CALN1: variants seen among roughly 807,000 people sequenced by gnomAD.
CALN1 encodes calcium-binding protein 8.
Under a neutral mutation model 30.6 loss-of-function variants are expected in CALN1, and 17 were observed. That is an observed-to-expected ratio of 0.56 (90% CI 0.38 to 0.83). The LOEUF (loss-of-function observed/expected upper bound fraction) is 0.83. Ranked by LOEUF, CALN1 falls within the 40% of genes least tolerant of loss-of-function variation. The pLI, the probability that CALN1 is intolerant of heterozygous loss-of-function variation, is 0.00. For synonymous variants in CALN1, 156 were observed against 131.4 expected, an observed-to-expected ratio of 1.19 and a Z score of -1.28; for missense variants, 291 against 354.9, an observed-to-expected ratio of 0.82 and a Z score of 1.45.
At chr7:71,868,096 C>G (rs925180244) in intron 5 of CALN1, among the ~76,000 whole-genome samples, 1 of 152,030 alleles carries the variant, frequency 6.6e-6, no homozygotes, top group Non-Finnish European at 1.5e-5. Flanking sequence ...AATATTTATG[C>G]TTACAAAATC....
chr7:72,090,341 T>C (rs1190551729), intron 4 of CALN1, among the ~76,000 whole-genome samples: 1 of 152,014 alleles, frequency 6.6e-6, no homozygotes, highest in African/African-American at 2.4e-5. Context: ...AACTTAAAAA[T>C]CCCAGTGACT....
rs1291878798 is a variant in CALN1, at chr7:72,055,855, C to CA, written c.389-32087dup. On this transcript the variant is annotated intron_variant, in intron 4 of 6. Coordinates refer to ENST00000395275, the MANE Select transcript of CALN1 (RefSeq NM_031468.4). ...AGCAAGACCTCATTTCCACAAATAACAAAAAAATAAAAAAAATTAGCCAGT... is the reference window on the plus strand; with the variant it reads ...AGCAAGACCTCATTTCCACAAATAACAAAAAAAATAAAAAAAATTAGCCAGT... Among the ~76,000 whole-genome samples the CA allele has an allele frequency of 4.0e-5, 6 of 151,428 alleles. No individual in the cohort carries two copies. In the East Asian group the frequency reaches 7.7e-4, roughly 19 times the overall value.
At chr7:72,173,635 T>C (rs187577208) in intron 3 of CALN1, among the ~76,000 whole-genome samples, 1 of 152,152 alleles carries the variant, frequency 6.6e-6, no homozygotes, top group South Asian at 2.1e-4. Flanking sequence ...GAGATACATA[T>C]AAATGGATAT....
At chr7:71,974,986 C>T (rs1194575658) in intron 5 of CALN1, among the ~76,000 whole-genome samples, 1 of 152,186 alleles carries the variant, frequency 6.6e-6, no homozygotes, top group Non-Finnish European at 1.5e-5. Context: ...AAGGTCCTGT[C>T]CTTAAGCCAG....
chr7:71,979,362 G>A (rs763551619), intron 5 of CALN1, among the ~76,000 whole-genome samples: 6 of 152,172 alleles, frequency 3.9e-5, no homozygotes, highest in Non-Finnish European at 7.3e-5. Flanking sequence ...CCCTGGGCTT[G>A]TTTCCCTGTA....
At chr7:72,343,137 T>G (rs1802460534) in intron 2 of CALN1, among the ~76,000 whole-genome samples, 1 of 152,134 alleles carries the variant, frequency 6.6e-6, no homozygotes, top group African/African-American at 2.4e-5. Flanking sequence ...AGACTATTAA[T>G]GAGAGTTGCA....
chr7:72,355,707 T>C (rs1433858337), intron 2 of CALN1, among the ~76,000 whole-genome samples: 1 of 152,210 alleles, frequency 6.6e-6, no homozygotes, highest in African/African-American at 2.4e-5. Context: ...CATTATTTCA[T>C]TCTTATGAAA....
chr7:72,233,651 G>A (rs1259480130), intron 3 of CALN1, among the ~76,000 whole-genome samples: 1 of 152,126 alleles, frequency 6.6e-6, no homozygotes, highest in Non-Finnish European at 1.5e-5. Context: ...CCCAGGAGTT[G>A]GAGGGTGTGG....
intron 4 of CALN1, among the ~76,000 whole-genome samples, chr7:72,044,884 C>T (rs1412998812): frequency 6.6e-6 from 1 of 152,122 alleles, no homozygotes. Context: ...CCTCCCAAAG[C>T]AATGGGATTA....
chr7:72,123,623 G>C (rs1808545031), intron 3 of CALN1, among the ~76,000 whole-genome samples: 1 of 152,164 alleles, frequency 6.6e-6, no homozygotes, highest in Non-Finnish European at 1.5e-5. Context: ...GGAAGCTCAG[G>C]GGAAGCCCAG....
At chr7:72,195,558 T>G (rs560394710) in intron 3 of CALN1, among the ~76,000 whole-genome samples, 95 of 152,254 alleles carry the variant, frequency 6.2e-4, no homozygotes, top group African/African-American at 2.1e-3. Context: ...AAAAAAATTT[T>G]TTTAAGGATG....
chr7:72,076,272 A>G (rs1352024949), intron 4 of CALN1, among the ~76,000 whole-genome samples: 7 of 151,844 alleles, frequency 4.6e-5, no homozygotes, highest in Middle Eastern at 3.4e-3. Context: ...CATCCTGCAC[A>G]TGTACCCCGG....
chr7:72,444,576 G>C (rs1159212965), intron 1 of CALN1, among the ~76,000 whole-genome samples: 1 of 152,152 alleles, frequency 6.6e-6, no homozygotes, highest in Non-Finnish European at 1.5e-5. Flanking sequence ...GGGAGAGATA[G>C]AGTGACAGGG....
intron 3 of CALN1, among the ~76,000 whole-genome samples, chr7:72,195,616 G>A (rs1485089777): frequency 6.6e-6 from 1 of 152,042 alleles, no homozygotes; most frequent in Non-Finnish European, 1.5e-5. Context: ...TGGGCCTCAG[G>A]CGATCCTCCC....
chr7:72,103,005 G>T lies in CALN1; in HGVS notation c.388+3146C>A, dbSNP rs556798648. On this transcript the variant is annotated intron_variant, in intron 4 of 6. Transcript: ENST00000395275. ...GGAGAATTGCTTAAACCCGGGAAGC[G>T]GAGGTTGCAGTGAGCAGAGATTGTG... Among the ~76,000 whole-genome samples the T allele has an allele frequency of 2.7e-5, 4 of 149,258 alleles. No homozygotes were observed. The South Asian group carries it at 6.3e-4, about 23-fold the overall frequency.
chr7:72,351,582 T>C (rs752123994), intron 2 of CALN1, among the ~76,000 whole-genome samples: 35 of 152,314 alleles, frequency 2.3e-4, no homozygotes, highest in Non-Finnish European at 3.5e-4. Context: ...AATGGAAATA[T>C]ACTATTAAAA....
intron 2 of CALN1, among the ~76,000 whole-genome samples, chr7:72,345,647 A>C (rs1802607089): frequency 6.6e-6 from 1 of 152,000 alleles, no homozygotes. Context: ...GGGAAATTGG[A>C]GTCTATAACC....
chr7:72,021,356 G>T (rs1800697388), intron 5 of CALN1, among the ~76,000 whole-genome samples: 1 of 152,060 alleles, frequency 6.6e-6, no homozygotes, highest in Non-Finnish European at 1.5e-5. Flanking sequence ...AACGCCCAGG[G>T]GAGAAGCAAC....
At chr7:72,135,620 C>A (rs1427644316) in intron 3 of CALN1, among the ~76,000 whole-genome samples, 1 of 152,142 alleles carries the variant, frequency 6.6e-6, no homozygotes, top group Non-Finnish European at 1.5e-5. Flanking sequence ...GTCATCCAGG[C>A]TTTGTTGTTT....
Sources: allele counts gnomAD v4.1 joint callset (sites outside exome capture counted in the v4.1 genomes callset), GRCh38; gene constraint gnomAD v4.1.1; transcripts MANE v1.5; gene names NCBI Gene and HGNC (gene_info 2026-07-23, HGNC 2026-07-21).